Variants in SLC35E3 observed in about 807,000 individuals in gnomAD.
SLC35E3 encodes the protein bladder cancer-overexpressed gene 1 protein.
A neutral mutation model predicts 30.8 loss-of-function variants in SLC35E3; 28 were observed. The observed-to-expected ratio is 0.91, with a 90% CI of 0.67 to 1.25. The LOEUF (loss-of-function observed/expected upper bound fraction) is 1.25, where lower values mean the gene tolerates loss of function less well. Ranked by LOEUF, SLC35E3 falls within the 50% of genes most tolerant of loss-of-function variation. The pLI, the probability that SLC35E3 is intolerant of heterozygous loss-of-function variation, is 0.00. For missense variants in SLC35E3, 365 were observed against 375.4 expected, an observed-to-expected ratio of 0.97 and a Z score of 0.23; for synonymous variants, 146 against 149.2, an observed-to-expected ratio of 0.98 and a Z score of 0.16.
chr12:68,753,207 G>A (rs960705042), intron 3 of SLC35E3, among the ~76,000 whole-genome samples: 1 of 151,944 alleles, frequency 6.6e-6, no homozygotes, highest in Admixed American at 6.6e-5. Flanking sequence ...GCTTGAACCT[G>A]GGAGGTGGAG....
chr12:68,754,549 G>T, intron 3 of SLC35E3, among the ~76,000 whole-genome samples: 1 of 152,104 alleles, frequency 6.6e-6, no homozygotes, highest in East Asian at 1.9e-4. Flanking sequence ...GCCTCCCAAA[G>T]TGCTGGGATT....
At position 68,746,780 on chromosome 12, in the gene SLC35E3, G is replaced by C. The variant is rs756958866; in HGVS notation, c.402+1G>C. Reference sequence around the variant, plus strand: ...CTCCACCAGAATCCAGCTCACGCTGGTGAGTAGCTTCAGCTTCCCAAGGCG... The same window carrying C: ...CTCCACCAGAATCCAGCTCACGCTGCTGAGTAGCTTCAGCTTCCCAAGGCG... On this transcript the variant is annotated splice_donor_variant, in intron 1 of 4. Transcript: ENST00000398004. LOFTEE classifies it high-confidence loss of function. The C allele has an allele frequency of 1.9e-6, 3 of 1,567,936 alleles. No homozygotes were observed. Among genetic ancestry groups the C allele is most frequent in the Admixed American group, 1.9e-5 (1 of 53,350 alleles).
rs1318016505 is a variant in SLC35E3 at position 68,780,811 on chromosome 12, A to T, written c.*15921A>T. 14 of 152,144 alleles carry T rather than the reference A, an allele frequency of 9.2e-5. No individual in the cohort carries two copies. The East Asian group carries it at 2.7e-3, about 29-fold the overall frequency. 9.4% of individuals were successfully genotyped at this position (152,144 alleles called of 1,614,324 possible). ...GTCACGCTTTTTAGTCAAGATTTTT[A>T]AAAATGTCTGCATGCTTTTCTGAGA... is the stretch of plus-strand genomic sequence containing the variant. On this transcript the variant is annotated 3_prime_UTR_variant, in exon 5 of 5. Coordinates refer to ENST00000398004, the MANE Select transcript of SLC35E3 (RefSeq NM_018656.5).
intron 3 of SLC35E3, among the ~76,000 whole-genome samples, chr12:68,758,729 C>CTTTTTTTTTTT (rs776771224): frequency 6.2e-5 from 3 of 48,420 alleles, no homozygotes; most frequent in African/African-American, 1.6e-4. Flanking sequence ...AATTCTCTTT[C>CTTTTTTTTTTT]TTTTTTTTTT....
chr12:68,749,862 C>G (rs1046641548), intron 2 of SLC35E3, among the ~76,000 whole-genome samples: 2 of 152,028 alleles, frequency 1.3e-5, no homozygotes, highest in African/African-American at 4.8e-5. Flanking sequence ...ATGTCAGGGT[C>G]GTGAAGCCAT....
Position 68,766,683 on chromosome 12 carries a change from C to T in SLC35E3, c.*1793C>T, listed in dbSNP as rs932134744. ...CACTGCAGCCTCAGCCTCCTGGGCT[C>T]AAGCAATCCTCCTGCCTCAACCTCC... On this transcript the variant is annotated 3_prime_UTR_variant, in exon 5 of 5. Transcript: ENST00000398004. 4.8e-6 allele frequency: 2 copies of T among 420,322 alleles called. No individual in the cohort carries two copies. The highest frequency in any genetic ancestry group is 2.0e-5 in the African/African-American group (1 of 48,938). The allele number at this position is 420,322 out of a possible 1,614,324, so 26.0% of individuals were successfully genotyped here. A position where few individuals can be genotyped will look rare whatever the true frequency, so the allele number is the denominator to read the frequency against.
At chr12:68,757,822 T>TAA in intron 3 of SLC35E3, among the ~76,000 whole-genome samples, 1 of 152,344 alleles carries the variant, frequency 6.6e-6, no homozygotes, top group Non-Finnish European at 1.5e-5. Flanking sequence ...GTGCAGTGGC[T>TAA]CAGGCCTGTA....
intron 3 of SLC35E3, among the ~76,000 whole-genome samples, chr12:68,753,109 C>T (rs148857998): frequency 2.7e-5 from 2 of 74,564 alleles, no homozygotes; most frequent in East Asian, 3.6e-4. Flanking sequence ...TCACACCTGT[C>T]TCAAAAAAAA....
chr12:68,756,207 A>G lies in SLC35E3; in HGVS notation c.673-2950A>G, dbSNP rs1018747611. 1.8e-4 allele frequency among the ~76,000 whole-genome samples: 27 copies of G among 151,518 alleles called. No individual in the cohort carries two copies. In the East Asian group the frequency reaches 2.9e-3, roughly 16 times the overall value. On this transcript the variant is annotated intron_variant, in intron 3 of 4. Coordinates refer to ENST00000398004, the MANE Select transcript of SLC35E3 (RefSeq NM_018656.5). ...CATCCTGGTTATCTGGTTTCAAACC[A>G]TTGCAGCCTAGAGACCTTATACTAC... is the stretch of plus-strand genomic sequence containing the variant.
In SLC35E3 at chr12:68,752,161, A is replaced by C; in HGVS notation, c.643A>C (p.Ile215Leu). 1 of 1,613,166 alleles carries C rather than the reference A, an allele frequency of 6.2e-7. No homozygotes were observed. Among genetic ancestry groups the C allele is most frequent in the Non-Finnish European group, 8.5e-7 (1 of 1,179,796 alleles). ...FFEPVFGEGG[I>L]FGPWSVSALL... is the part of the protein sequence containing the mutation. ...TGAGCCAGTGTTTGGAGAAGGAGGA[A>C]TATTTGGTCCCTGGTCAGTTTCTGC... The change falls in exon 3 of 5, where the codon ATA becomes CTA. Residue 215 changes from isoleucine (I) to leucine (L), a missense_variant. Coordinates refer to ENST00000398004, the MANE Select transcript of SLC35E3 (RefSeq NM_018656.5).
At chr12:68,755,359 T>A (rs987486976) in intron 3 of SLC35E3, among the ~76,000 whole-genome samples, 9 of 152,200 alleles carry the variant, frequency 5.9e-5, no homozygotes, top group Non-Finnish European at 1.3e-4. Context: ...GGGAATATCT[T>A]TTTTGTTGGT....
chr12:68,748,029 C>T lies in SLC35E3; in HGVS notation c.502C>T (p.Leu168Phe), dbSNP rs772572067. Residue 168 changes from leucine (L) to phenylalanine (F), a missense_variant, in exon 2 of 5, where the codon CTT (leucine) becomes TTT (phenylalanine). By Grantham distance (22) the Leu-to-Phe change is conservative. Coordinates refer to ENST00000398004, the MANE Select transcript of SLC35E3 (RefSeq NM_018656.5). ...FAALGVLVTS[L>F]YQVWVGAKQH... is the part of the protein sequence containing the mutation. ...TGCTCTTGGTGTTTTAGTTACATCC[C>T]TTTATCAAGTGGTTGGTAATTTTTT... The T allele has an allele frequency of 3.1e-6, 5 of 1,593,706 alleles. No homozygotes were observed. Among genetic ancestry groups the T allele is most frequent in the Non-Finnish European group, 4.3e-6 (5 of 1,165,788 alleles).
Position 68,766,834 on chromosome 12 carries a change from C to T in SLC35E3, c.*1944C>T. 2.3e-6 allele frequency: 1 copy of T among 442,758 alleles called. No homozygotes were observed. Among genetic ancestry groups the T allele is most frequent in the South Asian group, 1.6e-5 (1 of 61,808 alleles). The allele number at this position is 442,758 out of a possible 1,614,324, so 27.4% of individuals were successfully genotyped here. ...TCTTGAGCTCAAGCCATCTGTCTGC[C>T]TCAGCCTCTCGAAGTGCTGGGATTA... On this transcript the variant is annotated 3_prime_UTR_variant, in exon 5 of 5. Coordinates refer to ENST00000398004, the MANE Select transcript of SLC35E3 (RefSeq NM_018656.5).
At position 68,746,461 on chromosome 12, in the gene SLC35E3, T is replaced by C; in HGVS notation, c.84T>C (p.Ile28=). The change falls in exon 1 of 5, where the codon ATT becomes ATC. Residue 28 remains isoleucine, a synonymous_variant. Transcript: ENST00000398004. ...LLFNLLVSIC[I]VFLNKWIYVY... is the part of the protein sequence containing the mutation. Reference sequence around the variant, plus strand: ...TCAACCTGCTGGTGTCCATCTGCATTGTGTTCCTCAACAAATGGATTTATG... The same window carrying C: ...TCAACCTGCTGGTGTCCATCTGCATCGTGTTCCTCAACAAATGGATTTATG... 1 of 1,614,206 alleles carries C rather than the reference T, an allele frequency of 6.2e-7. No homozygotes were observed. Among genetic ancestry groups the C allele is most frequent in the Non-Finnish European group, 8.5e-7 (1 of 1,179,992 alleles).
Position 68,772,355 on chromosome 12 carries a change from A to C in SLC35E3, c.*7465A>C, listed in dbSNP as rs1879624211. 6.6e-6 allele frequency: 1 copy of C among 152,068 alleles called. No individual in the cohort carries two copies. Among genetic ancestry groups the C allele is most frequent in the Non-Finnish European group, 1.5e-5 (1 of 68,016 alleles). The allele number at this position is 152,068 out of a possible 1,614,324, so 9.4% of individuals were successfully genotyped here. A position where few individuals can be genotyped will look rare whatever the true frequency, so the allele number is the denominator to read the frequency against. On this transcript the variant is annotated 3_prime_UTR_variant, in exon 5 of 5. Transcript: ENST00000398004. ...GCCTGGCCTGTTTGACCTTTATAAG[A>C]TCAATTTTTTTGTTCACAAGCATTT...
chr12:68,746,322 C>A lies in SLC35E3; in HGVS notation c.-56C>A. Reference sequence around the variant, plus strand: ...CGCGGCGGTGGAGTAGAAGGGCAGCCGGAGACAGGCCCGGCGCCCCTTCCG... The same window carrying A: ...CGCGGCGGTGGAGTAGAAGGGCAGCAGGAGACAGGCCCGGCGCCCCTTCCG... On this transcript the variant is annotated 5_prime_UTR_variant, in exon 1 of 5. Coordinates refer to ENST00000398004, the MANE Select transcript of SLC35E3 (RefSeq NM_018656.5). The A allele has an allele frequency of 6.6e-7, 1 of 1,511,368 alleles. No homozygotes were observed. Among genetic ancestry groups the A allele is most frequent in the Non-Finnish European group, 8.8e-7 (1 of 1,132,938 alleles). The allele number at this position is 1,511,368 out of a possible 1,614,324, so 93.6% of individuals were successfully genotyped here. A position where few individuals can be genotyped will look rare whatever the true frequency, so the allele number is the denominator to read the frequency against.
At chr12:68,756,875 C>T (rs559567382) in intron 3 of SLC35E3, among the ~76,000 whole-genome samples, 86 of 152,082 alleles carry the variant, frequency 5.7e-4, no homozygotes, top group Non-Finnish European at 8.4e-4. Context: ...ATTAGCTGGG[C>T]GTGGTGGCTG....
chr12:68,746,593 G>A lies in SLC35E3; in HGVS notation c.216G>A (p.Leu72=), dbSNP rs1878580134. ...QKLDIFAPKS[L]PPSRLLLLAL... is the part of the protein sequence containing the mutation. The stretch of plus-strand genomic sequence containing the variant: ...TGGACATCTTTGCCCCCAAAAGTCT[G>A]CCGCCCTCCAGGCTCCTCCTCCTGG... The change falls in exon 1 of 5, where the codon CTG becomes CTA. Residue 72 remains leucine, a synonymous_variant. Coordinates refer to ENST00000398004, the MANE Select transcript of SLC35E3 (RefSeq NM_018656.5). 1.2e-6 allele frequency: 2 copies of A among 1,614,098 alleles called. No homozygotes were observed. Among genetic ancestry groups the A allele is most frequent in the African/African-American group, 2.7e-5 (2 of 74,944 alleles).
chr12:68,760,955 G>A (rs973426791), intron 4 of SLC35E3, among the ~76,000 whole-genome samples: 1 of 152,220 alleles, frequency 6.6e-6, no homozygotes, highest in East Asian at 1.9e-4. Context: ...GGCTAGTCAG[G>A]AAGGCATCAG....
Sources: allele counts gnomAD v4.1 joint callset (sites outside exome capture counted in the v4.1 genomes callset), GRCh38; gene constraint gnomAD v4.1.1; transcripts MANE v1.5; gene names NCBI Gene and HGNC (gene_info 2026-07-23, HGNC 2026-07-21).